CHST11: variants seen among roughly 807,000 people sequenced by gnomAD.
The protein encoded by CHST11 is C4S-1.
CHST11 carries 9 observed loss-of-function variants against 30.4 expected under a neutral mutation model. The ratio of observed to expected loss-of-function variants is 0.30; its 90% CI spans 0.18 to 0.52. CHST11 has a LOEUF of 0.52. Among genes scored for constraint, CHST11 ranks in the 20% least tolerant of loss-of-function variants. CHST11 has a pLI of 0.97. For synonymous variants in CHST11, 152 were observed against 187.8 expected (o/e 0.81, Z 1.56); for missense variants, 348 against 460.6 (o/e 0.76, Z 2.24).
rs1206759514 is a variant in CHST11, at chr12:104,600,190, G to A, written c.119-1716G>A. Among the ~76,000 whole-genome samples, 6 of 152,194 alleles carry A rather than the reference G, an allele frequency of 3.9e-5. No homozygotes were observed. The highest frequency in any genetic ancestry group is 1.2e-4 in the African/African-American group (5 of 41,438). ...ACGTGGCTCAAAGTGACAAGTCAACGGAGGCTCACCTGAGCAGTAGTTTTT... is the reference window on the plus strand; with the variant it reads ...ACGTGGCTCAAAGTGACAAGTCAACAGAGGCTCACCTGAGCAGTAGTTTTT... On this transcript the variant is annotated intron_variant, in intron 1 of 2. Coordinates refer to ENST00000303694, the MANE Select transcript of CHST11 (RefSeq NM_018413.6). This position sits in a 1 kb window ranked among gnomAD's most constrained non-coding sequence, Gnocchi z 4.1.
chr12:104,564,244 A>T (rs2038540123), intron 1 of CHST11, among the ~76,000 whole-genome samples: 1 of 152,186 alleles, frequency 6.6e-6, no homozygotes, highest in Admixed American at 6.5e-5. Context: ...CCACTGGGGC[A>T]TTACAGAAGC....
At chr12:104,580,056 A>G (rs1426736555) in intron 1 of CHST11, among the ~76,000 whole-genome samples, 2 of 152,236 alleles carry the variant, frequency 1.3e-5, no homozygotes, top group Non-Finnish European at 2.9e-5. Context: ...TGGACATTTG[A>G]AGAAAAAGGC....
intron 1 of CHST11, among the ~76,000 whole-genome samples, chr12:104,493,550 C>T (rs1216775472): frequency 1.3e-5 from 2 of 152,102 alleles, no homozygotes; most frequent in Admixed American, 6.5e-5. Context: ...ATAGTGTATG[C>T]GAATGTGTGT....
At chr12:104,502,760 A>G (rs1385898416) in intron 1 of CHST11, among the ~76,000 whole-genome samples, 1 of 152,206 alleles carries the variant, frequency 6.6e-6, no homozygotes, top group African/African-American at 2.4e-5. Context: ...AATTTTAACA[A>G]TGGAAAGTTA....
At chr12:104,723,630 G>A (rs2040195436) in intron 2 of CHST11, among the ~76,000 whole-genome samples, 1 of 152,186 alleles carries the variant, frequency 6.6e-6, no homozygotes, top group African/African-American at 2.4e-5. Context: ...GTAAGAGTTG[G>A]GTTAGCCAAG....
intron 1 of CHST11, among the ~76,000 whole-genome samples, chr12:104,523,950 T>C (rs73384160): frequency 0.022 from 3,333 of 152,262 alleles, 139 homozygotes; most frequent in African/African-American, 0.077. Context: ...TATCTCCCTG[T>C]GTTTTCTGGG....
chr12:104,630,714 G>A (rs898931304), intron 2 of CHST11, among the ~76,000 whole-genome samples: 1 of 152,248 alleles, frequency 6.6e-6, no homozygotes, highest in African/African-American at 2.4e-5. Flanking sequence ...ATTTTAGTTC[G>A]TTTCATGAAA....
At chr12:104,679,415 G>A (rs534463696) in intron 2 of CHST11, among the ~76,000 whole-genome samples, 144 of 152,238 alleles carry the variant, frequency 9.5e-4, no homozygotes, top group African/African-American at 3.3e-3. Context: ...TCAGGCCCCG[G>A]AGCCTCCGCG....
At chr12:104,545,520 A>G (rs2038338229) in intron 1 of CHST11, among the ~76,000 whole-genome samples, 1 of 152,256 alleles carries the variant, frequency 6.6e-6, no homozygotes, top group African/African-American at 2.4e-5. Context: ...TGGAATATCT[A>G]GAAGCCTTGG....
intron 2 of CHST11, among the ~76,000 whole-genome samples, chr12:104,611,729 G>A (rs976844752): frequency 6.6e-6 from 1 of 152,150 alleles, no homozygotes; most frequent in Admixed American, 6.6e-5. Context: ...CCAAGTCTCC[G>A]ATTCATGCTG....
chr12:104,601,318 G>A (rs2038955504), intron 1 of CHST11, among the ~76,000 whole-genome samples: 1 of 152,164 alleles, frequency 6.6e-6, no homozygotes, highest in Admixed American at 6.5e-5. Context: ...TTAATTGTAA[G>A]TACCATCTCT....
chr12:104,565,558 TGCC>T (rs2038556721), intron 1 of CHST11, among the ~76,000 whole-genome samples: 1 of 152,098 alleles, frequency 6.6e-6, no homozygotes, highest in African/African-American at 2.4e-5. Context: ...TAAACCACTG[TGCC>T]TGGCCTCTAG....
Position 104,722,496 on chromosome 12 carries a change from AAC to A in CHST11, c.205-34449_205-34448del, listed in dbSNP as rs1229868178. The stretch of plus-strand genomic sequence containing the variant: ...TAGATGAGGTAGATTGGTTTTCTGA[AAC>A]ACAGTGTAAGTGCCTCTGTAAAGTG... On this transcript the variant is annotated intron_variant, in intron 2 of 2. Transcript: ENST00000303694. Among the ~76,000 whole-genome samples the A allele has an allele frequency of 2.0e-5, 3 of 152,248 alleles. No homozygotes were observed. The East Asian group carries it at 5.8e-4, about 29-fold the overall frequency.
At chr12:104,596,925 G>C (rs1228297434) in intron 1 of CHST11, among the ~76,000 whole-genome samples, 6 of 152,314 alleles carry the variant, frequency 3.9e-5, no homozygotes, top group African/African-American at 1.4e-4. Flanking sequence ...AATTCTGAAT[G>C]TCTTTGGTTT....
intron 2 of CHST11, among the ~76,000 whole-genome samples, chr12:104,710,197 CT>C (rs1343691476): frequency 6.6e-5 from 9 of 137,218 alleles, no homozygotes; most frequent in Admixed American, 6.3e-4. Context: ...AAGACCCTGT[CT>C]CAAACAAAAA....
At chr12:104,545,157 T>G (rs1282348004) in intron 1 of CHST11, among the ~76,000 whole-genome samples, 1 of 140,176 alleles carries the variant, frequency 7.1e-6, no homozygotes, top group Non-Finnish European at 1.6e-5. Flanking sequence ...CGTTACAAAT[T>G]GAAAAGCAAA....
At chr12:104,568,962 A>G (rs1480398539) in intron 1 of CHST11, among the ~76,000 whole-genome samples, 2 of 152,240 alleles carry the variant, frequency 1.3e-5, no homozygotes, top group Non-Finnish European at 2.9e-5. Context: ...TACTGACTGA[A>G]TAAAGTACCT....
chr12:104,525,828 G>A (rs554226945), intron 1 of CHST11, among the ~76,000 whole-genome samples: 29 of 149,914 alleles, frequency 1.9e-4, no homozygotes, highest in African/African-American at 6.6e-4. Context: ...CTGAGAAATC[G>A]TAAGGTTTCT....
intron 1 of CHST11, among the ~76,000 whole-genome samples, chr12:104,554,290 G>A (rs1023017478): frequency 9.2e-5 from 14 of 152,130 alleles, no homozygotes; most frequent in East Asian, 1.9e-4. Flanking sequence ...AGAGGGGACC[G>A]AGGGTTTGAC....
Sources: allele counts gnomAD v4.1 joint callset (sites outside exome capture counted in the v4.1 genomes callset), GRCh38; gene constraint gnomAD v4.1.1; non-coding constraint Gnocchi (gnomAD v3.1); transcripts MANE v1.5; gene names NCBI Gene and HGNC (gene_info 2026-07-23, HGNC 2026-07-21).